LIPG: variants seen among roughly 807,000 people sequenced by gnomAD.
The protein encoded by LIPG is lipase G, endothelial type.
In LIPG, 34 loss-of-function variants were observed where a neutral mutation model predicts 51.8. The observed-to-expected ratio is 0.66, with a 90% confidence interval of 0.50 to 0.87. The LOEUF (loss-of-function observed/expected upper bound fraction) is 0.87, where lower values mean the gene tolerates loss of function less well. Ranked by LOEUF, LIPG falls within the 40% of genes least tolerant of loss-of-function variation. The probability of loss-of-function intolerance (pLI) is 0.00; values close to 1 mark genes in which losing one functional copy is unlikely to be tolerated. For missense variants in LIPG, 580 were observed against 652.7 expected, an observed-to-expected ratio of 0.89 and a Z score of 1.21; for synonymous variants, 246 against 246.1, an observed-to-expected ratio of 1.00 and a Z score of 0.00.
At position 49,590,902 on chromosome 18, in the gene LIPG, A is replaced by C. The variant is rs897534432; in HGVS notation, c.*380A>C. The C allele has an allele frequency of 5.8e-6, 2 of 343,210 alleles. No homozygotes were observed. The highest frequency in any genetic ancestry group is 4.2e-5 in the African/African-American group (2 of 47,524). 21.3% of individuals were successfully genotyped at this position (343,210 alleles called of 1,614,324 possible). On this transcript the variant is annotated 3_prime_UTR_variant, in exon 10 of 10. Transcript: ENST00000261292. Reference sequence around the variant, plus strand: ...TGGCTCCGAAGAGGCCCTGTGTAGAAGGCTGTCAGCTGCTCAGCCTGCTTT... The same window carrying C: ...TGGCTCCGAAGAGGCCCTGTGTAGACGGCTGTCAGCTGCTCAGCCTGCTTT...
intron 5 of LIPG, among the ~76,000 whole-genome samples, chr18:49,576,357 CTTTATT>C (rs1445365468): frequency 2.0e-5 from 3 of 147,714 alleles, no homozygotes; most frequent in Non-Finnish European, 3.0e-5. Context: ...TGTTCTGCAA[CTTTATT>C]TTTATTTTAA....
intron 8 of LIPG, among the ~76,000 whole-genome samples, chr18:49,586,333 T>A (rs947020907): frequency 6.6e-6 from 1 of 152,260 alleles, no homozygotes; most frequent in Admixed American, 6.5e-5. Flanking sequence ...AAACATTTTT[T>A]AAAACTCCAT....
intron 3 of LIPG, 140 bp downstream of exon 3, chr18:49,567,761 T>A: frequency 1.2e-6 from 1 of 802,852 alleles, no homozygotes; most frequent in Non-Finnish European, 1.9e-6. Context: ...TTTATTGAAT[T>A]AAGTATTGTT....
Position 49,565,432 on chromosome 18 carries a change from C to T in LIPG, c.213C>T (p.Ser71=). The T allele has an allele frequency of 1.2e-6, 2 of 1,614,228 alleles. No homozygotes were observed. Among genetic ancestry groups the T allele is most frequent in the Non-Finnish European group, 1.7e-6 (2 of 1,180,036 alleles). The change falls in exon 2 of 10, where the codon AGC becomes AGT. Residue 71 remains serine, a synonymous_variant. Transcript: ENST00000261292. The part of the protein sequence containing the change: ...HEGCYLSVGH[S]QPLEDCSFNM... ...GATGCTACCTCTCCGTCGGCCACAGCCAGCCCTTAGAAGACTGCAGTTTCA... is the reference window on the plus strand; with the variant it reads ...GATGCTACCTCTCCGTCGGCCACAGTCAGCCCTTAGAAGACTGCAGTTTCA...
At chr18:49,574,728 C>T (rs1600551502) in intron 4 of LIPG, among the ~76,000 whole-genome samples, 1 of 152,102 alleles carries the variant, frequency 6.6e-6, no homozygotes, top group Non-Finnish European at 1.5e-5. Context: ...TGTTTGGAGG[C>T]GGAAAGGTTT....
chr18:49,580,776 G>A (rs1226427399), intron 5 of LIPG, among the ~76,000 whole-genome samples: 1 of 152,212 alleles, frequency 6.6e-6, no homozygotes, highest in Non-Finnish European at 1.5e-5. Flanking sequence ...TTAGGAGGTA[G>A]TGACTCCTGC....
In LIPG at chr18:49,575,349, G is replaced by A. The variant is rs376433557; in HGVS notation, c.572-20G>A. 1.9e-6 allele frequency: 3 copies of A among 1,608,138 alleles called. No homozygotes were observed. The highest frequency in any genetic ancestry group is 2.7e-5 in the African/African-American group (2 of 74,782). The stretch of plus-strand genomic sequence containing the variant: ...GTGCACCTGACACCACAGCTGTTTT[G>A]GGGCCTCCTTCTGCTGCAGGTTTGG... On this transcript the variant is annotated intron_variant, in intron 4 of 9. Transcript: ENST00000261292.
Position 49,565,373 on chromosome 18 carries a change from A to C in LIPG, c.154A>C (p.Asn52His), listed in dbSNP as rs1260314080. The part of the protein sequence containing the change: ...QTEVKPSVRF[N>H]LRTSKDPEHE... ...TGAGGTCAAACCATCTGTGAGGTTT[A>C]ACCTCCGCACCTCCAAGGACCCAGA... Residue 52 changes from asparagine (N) to histidine (H), a missense_variant, in exon 2 of 10, where the codon AAC becomes CAC. Physicochemically the swap from Asn to His is moderately conservative, Grantham distance 68 (BLOSUM62 1). Transcript: ENST00000261292. 6.2e-7 allele frequency: 1 copy of C among 1,614,210 alleles called. No individual in the cohort carries two copies. Among genetic ancestry groups the C allele is most frequent in the African/African-American group, 1.3e-5 (1 of 75,066 alleles).
intron 9 of LIPG, among the ~76,000 whole-genome samples, chr18:49,588,888 A>G (rs1457735288): frequency 6.6e-6 from 1 of 152,020 alleles, no homozygotes; most frequent in East Asian, 1.9e-4. Flanking sequence ...GCTGTGGTAC[A>G]CCTAGCACTT....
chr18:49,590,755 A>G lies in LIPG; in HGVS notation c.*233A>G, dbSNP rs2143985145. 1.7e-6 allele frequency: 1 copy of G among 597,742 alleles called. No individual in the cohort carries two copies. Among genetic ancestry groups the G allele is most frequent in the Non-Finnish European group, 3.0e-6 (1 of 333,428 alleles). The allele number at this position is 597,742 out of a possible 1,614,324, so 37.0% of individuals were successfully genotyped here. A position where few individuals can be genotyped will look rare whatever the true frequency, so the allele number is the denominator to read the frequency against. On this transcript the variant is annotated 3_prime_UTR_variant, in exon 10 of 10. Coordinates refer to ENST00000261292, the MANE Select transcript of LIPG (RefSeq NM_006033.4). ...TAGCTCTAACTCCAAACCTCTGTCC[A>G]CACCTCCAGAGCACCAAGTCCAGAT...
chr18:49,567,536 C>A lies in LIPG; in HGVS notation c.374C>A (p.Pro125His). The change falls in exon 3 of 10, where the codon CCC becomes CAC. Residue 125 changes from proline to histidine, a missense_variant. Transcript: ENST00000261292. ...DANVVVVDWL[P>H]LAHQLYTDAV... ...AATGTAGTTGTGGTTGACTGGCTCC[C>A]CCTGGCCCACCAGCTTTACACGGAT... 6.2e-7 allele frequency: 1 copy of A among 1,614,156 alleles called. No homozygotes were observed. Among genetic ancestry groups the A allele is most frequent in the South Asian group, 1.1e-5 (1 of 91,078 alleles).
intron 5 of LIPG, among the ~76,000 whole-genome samples, chr18:49,576,414 T>G (rs983659284): frequency 4.0e-5 from 6 of 150,668 alleles, no homozygotes; most frequent in Non-Finnish European, 5.9e-5. Flanking sequence ...TAATATATTA[T>G]GGATATTCTT....
At chr18:49,587,539 A>G (rs1343297745) in intron 9 of LIPG, among the ~76,000 whole-genome samples, 1 of 131,902 alleles carries the variant, frequency 7.6e-6, no homozygotes, top group Admixed American at 8.9e-5. Flanking sequence ...ACTGCACTCC[A>G]GCCTGGGTGA....
intron 4 of LIPG, among the ~76,000 whole-genome samples, chr18:49,571,403 C>G (rs1006293551): frequency 6.6e-6 from 1 of 152,224 alleles, no homozygotes; most frequent in African/African-American, 2.4e-5. Context: ...TTCTTTCCCC[C>G]TGCCTGTTTG....
chr18:49,577,799 C>T (rs2084740761), intron 5 of LIPG, among the ~76,000 whole-genome samples: 1 of 112,018 alleles, frequency 8.9e-6, no homozygotes, highest in Non-Finnish European at 1.9e-5. Flanking sequence ...GGGGGGCTGA[C>T]CCCCCCACCT....
chr18:49,590,184 T>TGTGTGC (rs2084926015), intron 9 of LIPG: 1 of 461,884 alleles, frequency 2.2e-6, no homozygotes, highest in Non-Finnish European at 4.0e-6. Flanking sequence ...TGTGTGTGTG[T>TGTGTGC]GTGTGTGTGT....
intron 7 of LIPG, among the ~76,000 whole-genome samples, chr18:49,582,939 G>T (rs1347154876): frequency 2.0e-5 from 3 of 152,212 alleles, no homozygotes; most frequent in Non-Finnish European, 4.4e-5. Flanking sequence ...GGATTGTGAT[G>T]AAACATCATC....
chr18:49,587,298 T>C (rs769396832), intron 9 of LIPG, among the ~76,000 whole-genome samples: 6 of 151,244 alleles, frequency 4.0e-5, no homozygotes, highest in Non-Finnish European at 5.9e-5. Context: ...GGGCCAGGCA[T>C]GGAGGCTCAC....
chr18:49,590,106 T>C (rs2084924578), intron 9 of LIPG: 1 of 348,906 alleles, frequency 2.9e-6, no homozygotes, highest in Non-Finnish European at 5.5e-6. Context: ...ACAGTGTCTC[T>C]CTTGTATTTC....
Sources: gnomAD v4.1 joint callset for allele counts (sites outside exome capture counted in the v4.1 genomes callset) on GRCh38, gnomAD v4.1.1 for gene constraint, MANE v1.5 for transcripts, NCBI Gene and HGNC (gene_info 2026-07-23, HGNC 2026-07-21) for gene names.